Variants in GRIA4 observed in about 807,000 individuals in gnomAD.
GRIA4 encodes the protein glutamate ionotropic receptor AMPA type subunit 4.
A neutral mutation model predicts 104.0 loss-of-function variants in GRIA4; 34 were observed. That is an observed-to-expected ratio of 0.33 (90% CI 0.25 to 0.44). GRIA4 has a LOEUF of 0.44. GRIA4 is among the 20% of genes least tolerant of loss of function. The probability of loss-of-function intolerance (pLI) is 1.00; values close to 1 mark genes in which losing one functional copy is unlikely to be tolerated. For synonymous variants in GRIA4, 386 were observed against 381.9 expected (o/e 1.01, Z -0.13); for missense variants, 750 against 1,096.5 (o/e 0.68, Z 4.46).
intron 3 of GRIA4, among the ~76,000 whole-genome samples, chr11:105,664,128 C>T (rs1479246261): frequency 1.4e-5 from 2 of 146,352 alleles, no homozygotes; most frequent in East Asian, 2.0e-4. Flanking sequence ...TGAGGGATGC[C>T]GTGAAGAATA....
intron 3 of GRIA4, among the ~76,000 whole-genome samples, chr11:105,620,089 C>G (rs1263636752): frequency 6.6e-6 from 1 of 151,820 alleles, no homozygotes; most frequent in Non-Finnish European, 1.5e-5. Context: ...TTACTTTTCC[C>G]TACCATCACC....
intron 3 of GRIA4, among the ~76,000 whole-genome samples, chr11:105,622,792 C>T (rs1433018736): frequency 6.6e-6 from 1 of 151,636 alleles, no homozygotes; most frequent in African/African-American, 2.4e-5. Flanking sequence ...ACCTGAATAA[C>T]GTGCATTGCA....
At chr11:105,968,903 A>C (rs1445869599) in intron 14 of GRIA4, among the ~76,000 whole-genome samples, 1 of 152,192 alleles carries the variant, frequency 6.6e-6, no homozygotes, top group Non-Finnish European at 1.5e-5. Flanking sequence ...TTTTTATGCC[A>C]GTTATTCAAT....
intron 10 of GRIA4, among the ~76,000 whole-genome samples, chr11:105,914,141 C>T (rs1166320238): frequency 6.6e-6 from 1 of 151,698 alleles, no homozygotes; most frequent in African/African-American, 2.4e-5. Flanking sequence ...TCCTATTTCA[C>T]ATCACTCACT....
intron 4 of GRIA4, among the ~76,000 whole-genome samples, chr11:105,840,846 TTG>T (rs1944367272): frequency 6.6e-6 from 1 of 152,330 alleles, no homozygotes; most frequent in South Asian, 2.1e-4. Context: ...GTTTCAGAAA[TTG>T]TCTCTTTTCA....
At chr11:105,629,333 A>G (rs1469397355) in intron 3 of GRIA4, among the ~76,000 whole-genome samples, 2 of 151,942 alleles carry the variant, frequency 1.3e-5, no homozygotes, top group Non-Finnish European at 2.9e-5. Flanking sequence ...GTAATACTCT[A>G]GATTTTCAAA....
At position 105,939,641 on chromosome 11, in the gene GRIA4, T is replaced by C. The variant is rs1948134792; in HGVS notation, c.2294+5672T>C. Among the ~76,000 whole-genome samples the C allele has an allele frequency of 2.0e-5, 3 of 152,146 alleles. No individual in the cohort carries two copies. The South Asian group carries it at 6.2e-4, about 31-fold the overall frequency. ...CTTCAGCCCTGTCTATACTAAATTA[T>C]TAAAGAAAATATGTCAGATTAATTA... is the stretch of plus-strand genomic sequence containing the variant. On this transcript the variant is annotated intron_variant, in intron 14 of 16. Coordinates refer to ENST00000282499, the MANE Select transcript of GRIA4 (RefSeq NM_000829.4).
At chr11:105,906,056 C>A (rs1422533500) in intron 9 of GRIA4, among the ~76,000 whole-genome samples, 1 of 151,972 alleles carries the variant, frequency 6.6e-6, no homozygotes, top group African/African-American at 2.4e-5. Context: ...TTCAAGTTAA[C>A]CTTATCTAAA....
intron 3 of GRIA4, among the ~76,000 whole-genome samples, chr11:105,690,149 A>C (rs1323232174): frequency 1.3e-5 from 2 of 152,080 alleles, no homozygotes; most frequent in Non-Finnish European, 2.9e-5. Context: ...AGAGAGTGAG[A>C]AGAAATGCAA....
intron 5 of GRIA4, among the ~76,000 whole-genome samples, chr11:105,876,126 C>A (rs1945811174): frequency 6.6e-6 from 1 of 152,068 alleles, no homozygotes; most frequent in Non-Finnish European, 1.5e-5. Flanking sequence ...TTTGTTCTCA[C>A]TGGTTTCAAA....
At position 105,830,887 on chromosome 11, in the gene GRIA4, C is replaced by T. The variant is rs574469681; in HGVS notation, c.488-31137C>T. ...AGAATTATTTTGAAAACCATTTCAA[C>T]CAAAAGTGTACATGTCACTTTTAGC... On this transcript the variant is annotated intron_variant, in intron 4 of 16. Coordinates refer to ENST00000282499, the MANE Select transcript of GRIA4 (RefSeq NM_000829.4). Among the ~76,000 whole-genome samples, 455 of 152,064 alleles carry T rather than the reference C, an allele frequency of 3.0e-3. 4 individuals are homozygous for T. The highest frequency in any genetic ancestry group is 3.3e-3 in the Non-Finnish European group (224 of 67,954).
intron 11 of GRIA4, among the ~76,000 whole-genome samples, chr11:105,919,611 C>T (rs1470332546): frequency 6.6e-6 from 1 of 152,026 alleles, no homozygotes; most frequent in Non-Finnish European, 1.5e-5. Context: ...TAGCTGAAGG[C>T]AAATACAACA....
chr11:105,816,414 A>C (rs1435410930), intron 4 of GRIA4, among the ~76,000 whole-genome samples: 1 of 151,868 alleles, frequency 6.6e-6, no homozygotes, highest in African/African-American at 2.4e-5. Flanking sequence ...TTCTCATGAG[A>C]TCTGTTTGTT....
intron 3 of GRIA4, among the ~76,000 whole-genome samples, chr11:105,649,338 A>T (rs968581391): frequency 6.6e-6 from 1 of 152,184 alleles, no homozygotes; most frequent in African/African-American, 2.4e-5. Flanking sequence ...ATGTCCATTT[A>T]TAAGATCTTT....
intron 4 of GRIA4, among the ~76,000 whole-genome samples, chr11:105,832,906 T>G (rs1944030937): frequency 6.6e-6 from 1 of 152,064 alleles, no homozygotes; most frequent in African/African-American, 2.4e-5. Context: ...CTGCCTTGAG[T>G]AATGCTATTG....
intron 4 of GRIA4, among the ~76,000 whole-genome samples, chr11:105,789,079 C>A (rs921838170): frequency 2.0e-5 from 3 of 151,888 alleles, no homozygotes; most frequent in Non-Finnish European, 4.4e-5. Context: ...TGGAATCTAC[C>A]CTCATTCTGA....
chr11:105,613,292 GATCAGTCA>G (rs906619793), intron 3 of GRIA4: 4 of 152,246 alleles, frequency 2.6e-5, no homozygotes, highest in African/African-American at 9.6e-5. Flanking sequence ...ATTGAAACAT[GATCAGTCA>G]ATAGCAGTTG....
chr11:105,732,927 T>G (rs537970890), intron 3 of GRIA4, among the ~76,000 whole-genome samples: 1 of 152,320 alleles, frequency 6.6e-6, no homozygotes, highest in South Asian at 2.1e-4. Context: ...CGCATAGCAC[T>G]TTGCAGTTTA....
At position 105,753,237 on chromosome 11, in the gene GRIA4, C is replaced by T. The variant is rs1422210047; in HGVS notation, c.487+17C>T. The T allele has an allele frequency of 6.2e-7, 1 of 1,610,964 alleles. No homozygotes were observed. Among genetic ancestry groups the T allele is most frequent in the East Asian group, 2.2e-5 (1 of 44,814 alleles). On this transcript the variant is annotated intron_variant, in intron 4 of 16. Coordinates refer to ENST00000282499, the MANE Select transcript of GRIA4 (RefSeq NM_000829.4). ...CAGACAGGGGTAAGTCCAGTTTCTTCATCTATTAGAGCAAAACTCTAATTT... is the reference window on the plus strand; with the variant it reads ...CAGACAGGGGTAAGTCCAGTTTCTTTATCTATTAGAGCAAAACTCTAATTT...
Sources: allele counts gnomAD v4.1 joint callset (sites outside exome capture counted in the v4.1 genomes callset), GRCh38; gene constraint gnomAD v4.1.1; transcripts MANE v1.5; gene names NCBI Gene and HGNC (gene_info 2026-07-23, HGNC 2026-07-21).